Variants in GPC5 observed in about 807,000 individuals in gnomAD.
GPC5 encodes glypican-5.
Under a neutral mutation model 53.9 loss-of-function variants are expected in GPC5, and 47 were observed. The observed-to-expected ratio is 0.87, with a 90% CI of 0.69 to 1.11. GPC5 has a LOEUF of 1.11. Ranked by LOEUF, GPC5 falls within the 50% of genes most tolerant of loss-of-function variation. GPC5 has a pLI of 0.00. For synonymous variants in GPC5, 286 were observed against 263.3 expected (o/e 1.09, Z -0.84); for missense variants, 748 against 713.1 (o/e 1.05, Z -0.56).
At chr13:92,494,855 T>C (rs76840331) in intron 7 of GPC5, among the ~76,000 whole-genome samples, 2,784 of 152,262 alleles carry the variant, frequency 0.018, 91 homozygotes, top group African/African-American at 0.064. Context: ...GTCCTTTCTT[T>C]CTTCCTATCA....
intron 5 of GPC5, among the ~76,000 whole-genome samples, chr13:91,831,940 T>G (rs1384711190): frequency 1.3e-5 from 2 of 151,948 alleles, no homozygotes; most frequent in African/African-American, 4.8e-5. Flanking sequence ...ATTCTATCGA[T>G]TTGGAGTGGA....
chr13:92,836,601 T>C (rs1399921312), intron 7 of GPC5, among the ~76,000 whole-genome samples: 1 of 152,114 alleles, frequency 6.6e-6, no homozygotes, highest in Non-Finnish European at 1.5e-5. Flanking sequence ...TTTTGGTTTT[T>C]TGTGTGCTTT....
At chr13:91,483,563 G>A (rs552996127) in intron 2 of GPC5, among the ~76,000 whole-genome samples, 6 of 152,248 alleles carry the variant, frequency 3.9e-5, no homozygotes, top group South Asian at 4.1e-4. Context: ...CAGAGCTTCC[G>A]TGATTTCTGC....
At chr13:92,153,096 C>T (rs552388493) in intron 7 of GPC5, among the ~76,000 whole-genome samples, 1 of 152,268 alleles carries the variant, frequency 6.6e-6, no homozygotes, top group South Asian at 2.1e-4. Flanking sequence ...GAGGCTTATC[C>T]ATGCTGATGG....
chr13:91,896,814 G>A (rs1033079715), intron 5 of GPC5, among the ~76,000 whole-genome samples: 6 of 152,302 alleles, frequency 3.9e-5, no homozygotes, highest in Middle Eastern at 3.4e-3. Context: ...ATGGAACCAA[G>A]TCCTGCTGTT....
At chr13:92,195,203 A>G (rs1472022301) in intron 7 of GPC5, among the ~76,000 whole-genome samples, 1 of 152,212 alleles carries the variant, frequency 6.6e-6, no homozygotes, top group Non-Finnish European at 1.5e-5. Context: ...TCTCTAATCT[A>G]GAGACAGCCA....
intron 7 of GPC5, among the ~76,000 whole-genome samples, chr13:92,767,101 C>A (rs1875431293): frequency 6.6e-6 from 1 of 152,144 alleles, no homozygotes; most frequent in Non-Finnish European, 1.5e-5. Context: ...GAAATTGACT[C>A]CATGGGAGAA....
chr13:91,596,049 C>T (rs964214264), intron 2 of GPC5, among the ~76,000 whole-genome samples: 2 of 152,172 alleles, frequency 1.3e-5, no homozygotes, highest in Non-Finnish European at 2.9e-5. Context: ...AGTTCACAAA[C>T]ATTAGTGATT....
intron 7 of GPC5, among the ~76,000 whole-genome samples, chr13:92,228,604 A>AT (rs1455897867): frequency 6.6e-6 from 1 of 152,174 alleles, no homozygotes; most frequent in African/African-American, 2.4e-5. Context: ...AAAAATCCTA[A>AT]GGAAGATGAT....
At chr13:91,946,549 T>C (rs1036433244) in intron 6 of GPC5, among the ~76,000 whole-genome samples, 1 of 152,180 alleles carries the variant, frequency 6.6e-6, no homozygotes, top group African/African-American at 2.4e-5. Context: ...AAGCTTTCTT[T>C]TTTGGTAATC....
chr13:91,988,119 A>G (rs773106585), intron 6 of GPC5, among the ~76,000 whole-genome samples: 2 of 150,896 alleles, frequency 1.3e-5, no homozygotes, highest in Admixed American at 1.3e-4. Flanking sequence ...TTTTAGATAC[A>G]TATTTTTAAG....
At chr13:92,235,074 T>C (rs1053019939) in intron 7 of GPC5, among the ~76,000 whole-genome samples, 6 of 152,140 alleles carry the variant, frequency 3.9e-5, no homozygotes, top group Non-Finnish European at 7.4e-5. Flanking sequence ...AGTCAACCAA[T>C]TGACATGAAC....
At chr13:91,540,441 T>G (rs2029876109) in intron 2 of GPC5, among the ~76,000 whole-genome samples, 1 of 152,182 alleles carries the variant, frequency 6.6e-6, no homozygotes. Flanking sequence ...TACCTTAATT[T>G]TTGAATAGGC....
intron 7 of GPC5, among the ~76,000 whole-genome samples, chr13:92,441,707 A>C (rs183909762): frequency 1.3e-5 from 2 of 152,308 alleles, no homozygotes; most frequent in African/African-American, 4.8e-5. Context: ...ATGGACAAAC[A>C]TTCCATGCTT....
intron 7 of GPC5, among the ~76,000 whole-genome samples, chr13:92,449,915 G>T (rs934355485): frequency 6.6e-6 from 1 of 151,856 alleles, no homozygotes; most frequent in South Asian, 2.1e-4. Context: ...AAATTAAAAA[G>T]CACGGCCCCA....
chr13:91,585,922 A>G (rs563646608), intron 2 of GPC5, among the ~76,000 whole-genome samples: 7 of 152,138 alleles, frequency 4.6e-5, no homozygotes, highest in Admixed American at 3.3e-4. Context: ...TTCTTTAAAG[A>G]ATTGATTTCT....
chr13:92,137,047 G>A (rs2148447), intron 6 of GPC5, among the ~76,000 whole-genome samples: 149,720 of 152,254 alleles, frequency 0.98, 73,659 homozygotes, highest in East Asian at 1. Flanking sequence ...AAGGAAGCAC[G>A]TTCCGAAAGT....
At position 91,679,935 on chromosome 13, in the gene GPC5, A is replaced by AT. The variant is rs960910400; in HGVS notation, c.326-13243dup. Among the ~76,000 whole-genome samples the AT allele has an allele frequency of 9.3e-5, 14 of 150,246 alleles. No individual in the cohort carries two copies. In the South Asian group the frequency reaches 1.0e-3, roughly 11 times the overall value. Reference sequence around the variant, plus strand: ...CCACATTTTTTTTTTTCTGAATACCATTTTTTTTTCTTGAACAAAGTGATT... The same window carrying AT: ...CCACATTTTTTTTTTTCTGAATACCATTTTTTTTTTCTTGAACAAAGTGATT... On this transcript the variant is annotated intron_variant, in intron 2 of 7. Transcript: ENST00000377067.
intron 7 of GPC5, among the ~76,000 whole-genome samples, chr13:92,729,053 A>G (rs1888727409): frequency 6.6e-6 from 1 of 151,274 alleles, no homozygotes; most frequent in African/African-American, 2.4e-5. Context: ...CCCATTCTGC[A>G]CAATTTATCT....
Sources: gnomAD v4.1 joint callset for allele counts (sites outside exome capture counted in the v4.1 genomes callset) on GRCh38, gnomAD v4.1.1 for gene constraint, MANE v1.5 for transcripts, NCBI Gene and HGNC (gene_info 2026-07-23, HGNC 2026-07-21) for gene names.